NSMCE1: variants seen among roughly 807,000 people sequenced by gnomAD.
The protein encoded by NSMCE1 is non-structural maintenance of chromosomes element 1 homolog.
In NSMCE1, 18 loss-of-function variants were observed where a neutral mutation model predicts 29.6. The observed-to-expected ratio is 0.61, with a 90% CI of 0.42 to 0.90. The LOEUF is 0.90. Ranked by LOEUF, NSMCE1 falls within the 40% of genes least tolerant of loss-of-function variation. The pLI is 0.00. For synonymous variants in NSMCE1, 124 were observed against 133.4 expected (o/e 0.93, Z 0.49); for missense variants, 314 against 343.6 (o/e 0.91, Z 0.68).
chr16:27,234,066 A>G (rs1660290458), intron 4 of NSMCE1, 122 bp downstream of exon 4: 1 of 707,162 alleles, frequency 1.4e-6, no homozygotes, highest in African/African-American at 1.8e-5. Context: ...TTTCTCAGAC[A>G]GCAATGGTGG....
chr16:27,225,388 G>A, intron 7 of NSMCE1, 152 bp from the exon 8 acceptor site: 2 of 635,008 alleles, frequency 3.1e-6, no homozygotes, highest in South Asian at 3.8e-5. Flanking sequence ...CCGTGAGGAA[G>A]GCAGAGTTAG....
At chr16:27,258,440 A>T (rs1369251331) in intron 1 of NSMCE1, among the ~76,000 whole-genome samples, 1 of 152,224 alleles carries the variant, frequency 6.6e-6, no homozygotes, top group Non-Finnish European at 1.5e-5. Context: ...CAGATTCCCA[A>T]ACCCTTTCCT....
intron 2 of NSMCE1, among the ~76,000 whole-genome samples, chr16:27,244,384 A>T (rs1417818364): frequency 6.6e-6 from 1 of 152,124 alleles, no homozygotes; most frequent in East Asian, 1.9e-4. Context: ...AGCCTCCAAC[A>T]TTCTCCCGGT....
At chr16:27,230,623 CCACACAG>C (rs2083752847) in intron 5 of NSMCE1, 2 of 152,444 alleles carry the variant, frequency 1.3e-5, no homozygotes, top group Admixed American at 1.3e-4. Flanking sequence ...AGGAGTCTCA[CCACACAG>C]CCCCTGCCAC....
intron 3 of NSMCE1, 37 bp from the exon 4 acceptor site, chr16:27,234,302 C>G: frequency 7.0e-7 from 1 of 1,429,952 alleles, no homozygotes; most frequent in Non-Finnish European, 9.9e-7. Context: ...AGGCTGTGCT[C>G]TTTGCGTGTT....
chr16:27,243,682 G>A (rs982414862), intron 2 of NSMCE1, among the ~76,000 whole-genome samples: 2 of 152,274 alleles, frequency 1.3e-5, no homozygotes, highest in East Asian at 1.9e-4. Context: ...ATGGGGTCTC[G>A]CTCTGTCATC....
chr16:27,238,433 G>A (rs372148290), intron 2 of NSMCE1, among the ~76,000 whole-genome samples: 19 of 151,990 alleles, frequency 1.3e-4, no homozygotes, highest in African/African-American at 3.1e-4. Context: ...TCCTCATCAC[G>A]TGGCACTCCA....
At chr16:27,229,735 C>A (rs2083742930) in intron 5 of NSMCE1, among the ~76,000 whole-genome samples, 1 of 152,196 alleles carries the variant, frequency 6.6e-6, no homozygotes, top group Admixed American at 6.5e-5. Flanking sequence ...CGCCACCACA[C>A]CCAGCTAACT....
chr16:27,251,029 C>T (rs1221337682), intron 2 of NSMCE1, among the ~76,000 whole-genome samples: 2 of 147,908 alleles, frequency 1.4e-5, no homozygotes, highest in African/African-American at 2.5e-5. Context: ...TTAGTAGAGA[C>T]GGGGTTTCTC....
At chr16:27,256,135 A>C (rs1381775356) in intron 2 of NSMCE1, among the ~76,000 whole-genome samples, 2 of 151,920 alleles carry the variant, frequency 1.3e-5, no homozygotes, top group African/African-American at 4.8e-5. Flanking sequence ...GCCCTTTCTC[A>C]TACCTCTTGG....
chr16:27,242,020 G>A (rs1173861549), intron 2 of NSMCE1: 3 of 320,132 alleles, frequency 9.4e-6, no homozygotes, highest in East Asian at 1.6e-4. Context: ...ATGATGTTGA[G>A]AATACTTCAA....
rs780250564 is a variant in NSMCE1, at chr16:27,225,713, AGGGCCCACGCACTTG to A, written c.719_721+12del. 6.2e-6 allele frequency: 10 copies of A among 1,613,882 alleles called. No individual in the cohort carries two copies. The highest frequency in any genetic ancestry group is 8.5e-6 in the Non-Finnish European group (10 of 1,179,936). On this transcript the variant is annotated splice_donor_variant and splice_donor_5th_base_variant and coding_sequence_variant and intron_variant, in exon 7 of 8. Coordinates refer to ENST00000361439, the MANE Select transcript of NSMCE1 (RefSeq NM_145080.4). LOFTEE classifies it high-confidence loss of function. ...GCCCAGCCCCTCCCATGAGCTCCTC[AGGGCCCACGCACTTG>A]GGATCTCGTGGGGCCAGTAGTCGTT...
chr16:27,257,318 G>A, intron 2 of NSMCE1, 117 bp downstream of exon 2: 2 of 774,830 alleles, frequency 2.6e-6, no homozygotes, highest in Non-Finnish European at 3.9e-6. Context: ...TTGTGAAGAG[G>A]CTTGAATGCT....
intron 2 of NSMCE1, among the ~76,000 whole-genome samples, chr16:27,256,841 G>A (rs1380829579): frequency 2.6e-5 from 4 of 152,116 alleles, no homozygotes; most frequent in Non-Finnish European, 5.9e-5. Flanking sequence ...CTTAAGTGTT[G>A]TGCTAAGCTC....
At chr16:27,267,987 C>A (rs1416901528) in intron 1 of NSMCE1, among the ~76,000 whole-genome samples, 3 of 152,102 alleles carry the variant, frequency 2.0e-5, no homozygotes, top group Non-Finnish European at 4.4e-5. Context: ...AGGTGATCCG[C>A]CCCCCTCAGC....
intron 6 of NSMCE1, 48 bp downstream of exon 6, chr16:27,226,672 G>C (rs1426474174): frequency 8.1e-7 from 1 of 1,241,910 alleles, no homozygotes; most frequent in Non-Finnish European, 1.2e-6. Flanking sequence ...CAGAGCCCCG[G>C]GAGCCGAGGG....
intron 4 of NSMCE1, chr16:27,233,883 T>C: frequency 2.9e-6 from 1 of 343,112 alleles, no homozygotes; most frequent in Non-Finnish European, 5.3e-6. Flanking sequence ...CTTTCCCAGA[T>C]GGCACTTGGA....
intron 1 of NSMCE1, among the ~76,000 whole-genome samples, chr16:27,264,251 T>C (rs937024804): frequency 6.6e-6 from 1 of 152,138 alleles, no homozygotes; most frequent in Non-Finnish European, 1.5e-5. Flanking sequence ...TATGCACCTG[T>C]AGTCCCAGGT....
intron 2 of NSMCE1, among the ~76,000 whole-genome samples, chr16:27,256,684 C>A (rs2084090477): frequency 6.6e-6 from 1 of 152,150 alleles, no homozygotes; most frequent in Non-Finnish European, 1.5e-5. Flanking sequence ...TCCACCATCT[C>A]CAGTTACTTA....
Sources: allele counts gnomAD v4.1 joint callset (sites outside exome capture counted in the v4.1 genomes callset), GRCh38; gene constraint gnomAD v4.1.1; transcripts MANE v1.5; gene names NCBI Gene and HGNC (gene_info 2026-07-23, HGNC 2026-07-21).